Variants in DPYSL3 observed in about 807,000 individuals in gnomAD.
DPYSL3 encodes dihydropyrimidinase-related protein 3.
In DPYSL3, 16 loss-of-function variants were observed where a neutral mutation model predicts 66.1. That is an observed-to-expected ratio of 0.24 (90% confidence interval 0.16 to 0.37). The LOEUF is 0.37. Among genes scored for constraint, DPYSL3 ranks in the 10% least tolerant of loss-of-function variants. The pLI is 1.00. For synonymous variants in DPYSL3, 338 were observed against 345.1 expected (o/e 0.98, Z 0.23); for missense variants, 738 against 916.2 (o/e 0.81, Z 2.51).
intron 8 of DPYSL3, among the ~76,000 whole-genome samples, chr5:147,402,709 A>G (rs1758229251): frequency 1.3e-5 from 2 of 152,038 alleles, no homozygotes; most frequent in Non-Finnish European, 2.9e-5. Context: ...AAGTCACCCA[A>G]TAACCTAGGA....
intron 1 of DPYSL3, among the ~76,000 whole-genome samples, chr5:147,432,775 C>T (rs1581191478): frequency 6.6e-6 from 1 of 152,236 alleles, no homozygotes; most frequent in East Asian, 1.9e-4. Flanking sequence ...TAATATTATC[C>T]TTATATAAAT....
chr5:147,429,553 T>C (rs767511157), intron 1 of DPYSL3, among the ~76,000 whole-genome samples: 1 of 152,188 alleles, frequency 6.6e-6, no homozygotes, highest in Non-Finnish European at 1.5e-5. Flanking sequence ...ATTAATATTA[T>C]TTATAATACT....
At chr5:147,413,367 A>G (rs1354523191) in intron 5 of DPYSL3, among the ~76,000 whole-genome samples, 1 of 152,148 alleles carries the variant, frequency 6.6e-6, no homozygotes, top group Non-Finnish European at 1.5e-5. Flanking sequence ...CTTGCCGTTT[A>G]AGAAAGCTGC....
intron 1 of DPYSL3, among the ~76,000 whole-genome samples, chr5:147,453,168 A>G (rs1031188847): frequency 6.6e-6 from 1 of 152,136 alleles, no homozygotes; most frequent in Admixed American, 6.5e-5. Context: ...CAGCACGGCC[A>G]AAAGGATCCT....
chr5:147,439,643 G>A (rs187191054), intron 1 of DPYSL3, among the ~76,000 whole-genome samples: 35 of 152,202 alleles, frequency 2.3e-4, no homozygotes, highest in African/African-American at 7.9e-4. Flanking sequence ...CGAATTTAGG[G>A]GTAGGCAAAG....
intron 2 of DPYSL3, among the ~76,000 whole-genome samples, chr5:147,420,372 CT>C (rs1752053362): frequency 6.6e-6 from 1 of 152,198 alleles, no homozygotes; most frequent in African/African-American, 2.4e-5. Context: ...AATCAGTCCA[CT>C]CCCTTCTCTG....
At chr5:147,483,428 G>A (rs923829189) in intron 1 of DPYSL3, among the ~76,000 whole-genome samples, 1 of 152,190 alleles carries the variant, frequency 6.6e-6, no homozygotes, top group African/African-American at 2.4e-5. Context: ...CTGATAAACT[G>A]TGTAATCAGC....
chr5:147,450,386 G>A (rs1752705393), intron 1 of DPYSL3, among the ~76,000 whole-genome samples: 1 of 152,132 alleles, frequency 6.6e-6, no homozygotes, highest in African/African-American at 2.4e-5. Flanking sequence ...TTATGTATCT[G>A]TAAACCAGGC....
intron 1 of DPYSL3, among the ~76,000 whole-genome samples, chr5:147,432,569 A>G (rs868688345): frequency 1.3e-5 from 2 of 152,206 alleles, no homozygotes; most frequent in Non-Finnish European, 2.9e-5. Flanking sequence ...CCAGACACAG[A>G]TAAGTACAAA....
intron 12 of DPYSL3, among the ~76,000 whole-genome samples, chr5:147,395,950 A>C (rs536544849): frequency 6.6e-6 from 1 of 152,294 alleles, no homozygotes; most frequent in African/African-American, 2.4e-5. Context: ...ATGAGCTTCG[A>C]TCAGAAGGAT....
intron 1 of DPYSL3, among the ~76,000 whole-genome samples, chr5:147,466,592 G>A (rs372518499): frequency 9.2e-5 from 14 of 152,326 alleles, no homozygotes; most frequent in African/African-American, 3.4e-4. Flanking sequence ...GGAAGCACAT[G>A]TGATTGAGTT....
chr5:147,394,413 T>C (rs1222319212), intron 13 of DPYSL3, among the ~76,000 whole-genome samples: 1 of 152,180 alleles, frequency 6.6e-6, no homozygotes, highest in Non-Finnish European at 1.5e-5. Flanking sequence ...GTGACACTCA[T>C]TGTGGCAGGC....
At chr5:147,467,428 T>G (rs1753027244) in intron 1 of DPYSL3, among the ~76,000 whole-genome samples, 1 of 152,180 alleles carries the variant, frequency 6.6e-6, no homozygotes, top group Non-Finnish European at 1.5e-5. Context: ...AGTGAGTGGA[T>G]GGAAAATGAA....
chr5:147,508,830 G>C (rs1466271858), intron 1 of DPYSL3, among the ~76,000 whole-genome samples: 4 of 152,152 alleles, frequency 2.6e-5, no homozygotes, highest in Admixed American at 6.5e-5. Flanking sequence ...ACCCAGTCTT[G>C]TGCCAAGCTA....
chr5:147,479,471 G>T (rs1230666511), intron 1 of DPYSL3, among the ~76,000 whole-genome samples: 1 of 152,154 alleles, frequency 6.6e-6, no homozygotes, highest in African/African-American at 2.4e-5. Flanking sequence ...TATCTTGTCT[G>T]AAGAGAGAAT....
chr5:147,423,039 C>T (rs574585922), intron 2 of DPYSL3, among the ~76,000 whole-genome samples: 7 of 152,192 alleles, frequency 4.6e-5, no homozygotes, highest in African/African-American at 1.4e-4. Flanking sequence ...ACAATTAGTG[C>T]TGCCTATGAT....
rs1178557899 is a variant in DPYSL3, at chr5:147,397,693, G to C, written c.1776C>G (p.Val592=). 5.6e-6 allele frequency: 9 copies of C among 1,614,134 alleles called. No individual in the cohort carries two copies. The highest frequency in any genetic ancestry group is 6.8e-6 in the Non-Finnish European group (8 of 1,180,022). The stretch of plus-strand genomic sequence containing the variant: ...TCCTCCGTGCTTTAATGCGCTTGTA[G>C]ACATAGTCGGAGAACGGGCTGCAGG... ...FIPCSPFSDY[V]YKRIKARRKM... Residue 592 remains valine, a synonymous_variant, in exon 12 of 14, where the codon GTC becomes GTG. Coordinates refer to ENST00000343218, the MANE Select transcript of DPYSL3 (RefSeq NM_001197294.2).
intron 1 of DPYSL3, among the ~76,000 whole-genome samples, chr5:147,435,807 G>A (rs542992981): frequency 2.4e-4 from 36 of 152,314 alleles, no homozygotes; most frequent in African/African-American, 8.2e-4. Context: ...AAGTTATTAA[G>A]GAGAATTTAA....
At chr5:147,485,383 C>G (rs575720542) in intron 1 of DPYSL3, among the ~76,000 whole-genome samples, 1 of 152,228 alleles carries the variant, frequency 6.6e-6, no homozygotes, top group South Asian at 2.1e-4. Flanking sequence ...AAGGGCCAAG[C>G]GACTAAATAA....
Sources: allele counts gnomAD v4.1 joint callset (sites outside exome capture counted in the v4.1 genomes callset), GRCh38; gene constraint gnomAD v4.1.1; transcripts MANE v1.5; gene names NCBI Gene and HGNC (gene_info 2026-07-23, HGNC 2026-07-21).